The following TOGARAM2 variants were observed in gnomAD, a reference collection of about 807,000 sequenced individuals.
TOGARAM2 encodes the protein TOG array regulator of axonemal microtubules protein 2.
Under a neutral mutation model 93.3 loss-of-function variants are expected in TOGARAM2, and 85 were observed. The observed-to-expected ratio is 0.91, with a 90% CI of 0.76 to 1.09. The LOEUF is 1.09. Ranked by LOEUF, TOGARAM2 falls within the 50% of genes least tolerant of loss-of-function variation. The pLI, the probability that TOGARAM2 is intolerant of heterozygous loss-of-function variation, is 0.00. For synonymous variants in TOGARAM2, 593 were observed against 552.8 expected, an observed-to-expected ratio of 1.07 and a Z score of -1.02; for missense variants, 1,277 against 1,334.5, an observed-to-expected ratio of 0.96 and a Z score of 0.67.
At chr2:29,034,775 G>A (rs1048778047) in intron 16 of TOGARAM2, among the ~76,000 whole-genome samples, 5 of 152,170 alleles carry the variant, frequency 3.3e-5, no homozygotes, top group African/African-American at 1.2e-4. Context: ...GCAGAGCCTA[G>A]CCAGCCAGGG....
At chr2:28,973,894 C>T (rs752791510) in intron 1 of TOGARAM2, among the ~76,000 whole-genome samples, 18 of 152,152 alleles carry the variant, frequency 1.2e-4, no homozygotes, top group East Asian at 5.8e-4. Flanking sequence ...CTTTATCTAA[C>T]GATGTCTTGA....
Position 29,003,527 on chromosome 2 carries a change from TGAGAA to T in TOGARAM2, c.678_682del (p.Glu226AspfsTer101). The T allele has an allele frequency of 6.3e-7, 1 of 1,585,460 alleles. No homozygotes were observed. The highest frequency in any genetic ancestry group is 2.3e-5 in the East Asian group (1 of 42,620). On this transcript the variant is annotated frameshift_variant, in exon 6 of 20. Transcript: ENST00000379558. LOFTEE classifies it high-confidence loss of function. ...CCTGGCAATACCTGCACTGCAATGA[TGAGAA>T]GATGCAGAAGTCCCTGGGCGCCATC...
intron 1 of TOGARAM2, among the ~76,000 whole-genome samples, chr2:28,983,218 T>A (rs1337965607): frequency 3.0e-4 from 37 of 121,702 alleles, no homozygotes; most frequent in African/African-American, 1.1e-3. Flanking sequence ...TTTTTTTTTT[T>A]TTTTTTTTGT....
At chr2:28,964,149 A>G (rs538618904) in intron 1 of TOGARAM2, among the ~76,000 whole-genome samples, 1 of 152,304 alleles carries the variant, frequency 6.6e-6, no homozygotes, top group Non-Finnish European at 1.5e-5. Context: ...GGCCTATTAA[A>G]GTATTCAAAT....
chr2:28,968,010 G>C lies in TOGARAM2; in HGVS notation c.-147+11313G>C, dbSNP rs548118973. Among the ~76,000 whole-genome samples the C allele has an allele frequency of 5.3e-5, 8 of 151,914 alleles. No individual in the cohort carries two copies. The South Asian group carries it at 1.7e-3, about 32-fold the overall frequency. On this transcript the variant is annotated intron_variant, in intron 1 of 6. Coordinates refer to the TOGARAM2 transcript ENST00000401723. ...ATTTTTGTGTTTTTAGTAGAGACAG[G>C]GTTTTGTCATGTTGGCCAGGCTGGT...
chr2:29,031,280 C>T (rs1665754214), intron 14 of TOGARAM2, among the ~76,000 whole-genome samples: 1 of 152,332 alleles, frequency 6.6e-6, no homozygotes, highest in Non-Finnish European at 1.5e-5. Context: ...TGTAATCCTC[C>T]TGACTCAGCC....
intron 2 of TOGARAM2, 130 bp downstream of exon 2, chr2:28,994,992 C>A: frequency 1.7e-6 from 2 of 1,162,484 alleles, no homozygotes; most frequent in Non-Finnish European, 1.2e-6. Flanking sequence ...GCCAGGTGGC[C>A]GTGCCTTTCC....
chr2:29,038,696 C>T (rs532270841), intron 18 of TOGARAM2, among the ~76,000 whole-genome samples: 111 of 152,248 alleles, frequency 7.3e-4, no homozygotes, highest in Admixed American at 1.3e-3. Context: ...CCATCTGCCT[C>T]GGCCTCCCAA....
intron 6 of TOGARAM2, among the ~76,000 whole-genome samples, chr2:29,009,940 G>A (rs1664123816): frequency 6.6e-6 from 1 of 152,108 alleles, no homozygotes; most frequent in Non-Finnish European, 1.5e-5. Flanking sequence ...GGTCGCTAGA[G>A]AAGGGGAGGG....
chr2:28,993,374 C>G (rs1184006896), intron 1 of TOGARAM2, among the ~76,000 whole-genome samples: 3 of 152,204 alleles, frequency 2.0e-5, no homozygotes, highest in Admixed American at 2.0e-4. Flanking sequence ...TCTGTGCCAG[C>G]CTGCCACATT....
intron 16 of TOGARAM2, 71 bp from the exon 17 acceptor site, chr2:29,035,393 A>T (rs746239346): frequency 1.4e-5 from 17 of 1,251,978 alleles, no homozygotes; most frequent in Non-Finnish European, 1.7e-5. Flanking sequence ...AGGAGGTGGC[A>T]TGGGACCAGA....
intron 10 of TOGARAM2, 41 bp from the exon 11 acceptor site, chr2:29,022,117 C>A: frequency 6.2e-7 from 1 of 1,613,006 alleles, no homozygotes; most frequent in South Asian, 1.1e-5. Context: ...TCTTGCCTGT[C>A]CTGCTGCGTG....
chr2:29,047,699 G>A (rs1434420857), intron 19 of TOGARAM2: 1 of 152,290 alleles, frequency 6.6e-6, no homozygotes, highest in African/African-American at 2.4e-5. Flanking sequence ...GAAGTAGCCT[G>A]AGTTCTATTA....
chr2:28,958,178 A>G (rs1671752263), intron 1 of TOGARAM2, among the ~76,000 whole-genome samples: 1 of 152,200 alleles, frequency 6.6e-6, no homozygotes, highest in African/African-American at 2.4e-5. Context: ...GATTGGTTGG[A>G]AATCAGGTGT....
At chr2:29,043,935 C>A (rs573545856) in intron 18 of TOGARAM2, among the ~76,000 whole-genome samples, 2 of 152,366 alleles carry the variant, frequency 1.3e-5, no homozygotes, top group Admixed American at 6.5e-5. Flanking sequence ...ATACGGAGTC[C>A]TGCTGCAGTC....
At chr2:29,031,715 C>T (rs1665775234) in intron 14 of TOGARAM2, among the ~76,000 whole-genome samples, 1 of 152,174 alleles carries the variant, frequency 6.6e-6, no homozygotes, top group Non-Finnish European at 1.5e-5. Context: ...AAGAAAAATA[C>T]CGACAAGCAA....
rs140422273 is a variant in TOGARAM2 at position 28,986,154 on chromosome 2, T to G, written c.-111+4616T>G. On this transcript the variant is annotated intron_variant, in intron 1 of 19. Transcript: ENST00000379558. ...AAGATGTAGTGTGAGAGATGTCTCC[T>G]TAATTAGGATGCCCTCGTGCAGTGC... Among the ~76,000 whole-genome samples the G allele has an allele frequency of 1.4e-3, 216 of 150,122 alleles. 1 individual carries two copies. The highest frequency in any genetic ancestry group is 3.0e-3 in the Admixed American group (45 of 15,062).
intron 1 of TOGARAM2, among the ~76,000 whole-genome samples, chr2:28,982,651 G>GAGAC (rs1486183938): frequency 5.3e-5 from 8 of 152,204 alleles, no homozygotes; most frequent in Admixed American, 3.3e-4. Flanking sequence ...GAGCTCTGGA[G>GAGAC]AGACCTGCCT....
intron 13 of TOGARAM2, among the ~76,000 whole-genome samples, chr2:29,026,481 G>A (rs1051805935): frequency 3.9e-5 from 6 of 152,104 alleles, no homozygotes; most frequent in East Asian, 1.9e-4. Context: ...GTGGGGCTGG[G>A]GAAAGAAGGA....
Sources: gnomAD v4.1 joint callset for allele counts (sites outside exome capture counted in the v4.1 genomes callset) on GRCh38, gnomAD v4.1.1 for gene constraint, MANE v1.5 for transcripts, NCBI Gene and HGNC (gene_info 2026-07-23, HGNC 2026-07-21) for gene names.